Variants in MGAT4C observed in about 807,000 individuals in gnomAD.
The protein encoded by MGAT4C is MGAT4 family member C.
MGAT4C carries 19 observed loss-of-function variants against 40.1 expected under a neutral mutation model. The ratio of observed to expected loss-of-function variants is 0.47; its 90% CI spans 0.33 to 0.70. MGAT4C has a LOEUF of 0.70. MGAT4C is among the 30% of genes least tolerant of loss of function. The pLI is 0.02. For synonymous variants in MGAT4C, 181 were observed against 187.1 expected (o/e 0.97, Z 0.27); for missense variants, 491 against 563.2 (o/e 0.87, Z 1.30).
intron 1 of MGAT4C, among the ~76,000 whole-genome samples, chr12:86,821,026 C>G (rs1239867427): frequency 6.6e-6 from 1 of 150,792 alleles, no homozygotes; most frequent in Non-Finnish European, 1.5e-5. Context: ...ATGCTGGAAG[C>G]CTTTATTTAA....
At chr12:86,157,379 A>G (rs1885079074) in intron 1 of MGAT4C, among the ~76,000 whole-genome samples, 1 of 152,160 alleles carries the variant, frequency 6.6e-6, no homozygotes, top group African/African-American at 2.4e-5. Context: ...CTTTAAGTGA[A>G]ATAATTCAAA....
chr12:86,806,430 C>CTGTG (rs762478208), intron 1 of MGAT4C, among the ~76,000 whole-genome samples: 4 of 147,606 alleles, frequency 2.7e-5, no homozygotes, highest in South Asian at 2.1e-4. Context: ...TTACTTACAT[C>CTGTG]TGTGTGTGTG....
intron 2 of MGAT4C, among the ~76,000 whole-genome samples, chr12:86,627,594 G>A (rs1463583511): frequency 2.0e-5 from 3 of 152,196 alleles, no homozygotes; most frequent in Non-Finnish European, 2.9e-5. Context: ...TGATACCCAG[G>A]CAAACAGCAT....
chr12:86,244,641 G>A (rs1018409332), intron 1 of MGAT4C, among the ~76,000 whole-genome samples: 1 of 152,060 alleles, frequency 6.6e-6, no homozygotes, highest in African/African-American at 2.4e-5. Context: ...GGCTAATGGG[G>A]GACACAGAGA....
chr12:86,717,094 T>A (rs1950655282), intron 2 of MGAT4C, among the ~76,000 whole-genome samples: 1 of 151,968 alleles, frequency 6.6e-6, no homozygotes, highest in Non-Finnish European at 1.5e-5. Context: ...TGTTGTGCTC[T>A]TTTTTTGGCC....
intron 2 of MGAT4C, among the ~76,000 whole-genome samples, chr12:86,456,458 T>C (rs1432011627): frequency 6.6e-6 from 1 of 152,120 alleles, no homozygotes; most frequent in Non-Finnish European, 1.5e-5. Flanking sequence ...CATGATCATA[T>C]TACTGCCTGG....
chr12:85,986,802 A>T (rs79752529), intron 3 of MGAT4C, among the ~76,000 whole-genome samples: 10,783 of 152,290 alleles, frequency 0.071, 538 homozygotes, highest in Middle Eastern at 0.24. Context: ...AGGTAAAAAG[A>T]TCAAAAGGGA....
intron 2 of MGAT4C, among the ~76,000 whole-genome samples, chr12:86,470,492 C>A (rs574097491): frequency 2.0e-4 from 30 of 152,208 alleles, no homozygotes; most frequent in Middle Eastern, 3.4e-3. Context: ...TATCATTCAA[C>A]CCACAGAAGA....
At chr12:86,015,749 T>G (rs1338541339) in intron 2 of MGAT4C, 5 of 152,228 alleles carry the variant, frequency 3.3e-5, no homozygotes, top group African/African-American at 1.2e-4. Context: ...AGTGCTTTCA[T>G]TTAGTGCCTT....
intron 2 of MGAT4C, among the ~76,000 whole-genome samples, chr12:86,714,577 A>G (rs1593143963): frequency 6.6e-6 from 1 of 152,098 alleles, no homozygotes; most frequent in South Asian, 2.1e-4. Context: ...TTGGCTCTTC[A>G]TTTGCTCTTT....
intron 1 of MGAT4C, among the ~76,000 whole-genome samples, chr12:86,828,933 G>A (rs999159188): frequency 1.3e-5 from 2 of 151,444 alleles, no homozygotes; most frequent in African/African-American, 4.8e-5. Flanking sequence ...GGTGATAGTT[G>A]TACACAATAT....
intron 2 of MGAT4C, among the ~76,000 whole-genome samples, chr12:86,565,439 G>T (rs1960050030): frequency 6.6e-6 from 1 of 152,206 alleles, no homozygotes; most frequent in Non-Finnish European, 1.5e-5. Context: ...CTGAAAGTGG[G>T]CAGCTGCAGC....
intron 2 of MGAT4C, among the ~76,000 whole-genome samples, chr12:86,589,439 A>C (rs1322065904): frequency 6.6e-6 from 1 of 152,042 alleles, no homozygotes; most frequent in Non-Finnish European, 1.5e-5. Flanking sequence ...AGAGTCCAGG[A>C]CCAGATGGAT....
rs751309570 is a variant in MGAT4C at position 85,976,157 on chromosome 12, G to C, written c.*3132C>G. ...TGATAGCATTATAAAAATTCCCAGA[G>C]AATACTGGCCCAGTAAGAAATGGAA... On this transcript the variant is annotated 3_prime_UTR_variant, in exon 5 of 5. Coordinates refer to ENST00000611864, the MANE Select transcript of MGAT4C (RefSeq NM_001351288.2). 6.6e-6 allele frequency: 1 copy of C among 150,556 alleles called. No individual in the cohort carries two copies. The highest frequency in any genetic ancestry group is 1.5e-5 in the Non-Finnish European group (1 of 67,112). The allele number at this position is 150,556 out of a possible 1,614,324, so 9.3% of individuals were successfully genotyped here.
intron 4 of MGAT4C, among the ~76,000 whole-genome samples, chr12:86,265,883 ATATT>A (rs1318885996): frequency 6.6e-6 from 1 of 152,082 alleles, no homozygotes; most frequent in African/African-American, 2.4e-5. Context: ...TTAGGTATTT[ATATT>A]TATTTTTGTA....
At chr12:86,236,558 T>C (rs906248732) in intron 1 of MGAT4C, among the ~76,000 whole-genome samples, 7 of 151,984 alleles carry the variant, frequency 4.6e-5, no homozygotes, top group African/African-American at 1.4e-4. Flanking sequence ...TCATTGCTAA[T>C]ACAAAACCAA....
intron 2 of MGAT4C, among the ~76,000 whole-genome samples, chr12:86,484,823 G>A (rs1957991390): frequency 6.6e-6 from 1 of 152,124 alleles, no homozygotes; most frequent in African/African-American, 2.4e-5. Flanking sequence ...GCTCCCCCAA[G>A]GCCCAAGAGC....
At chr12:86,377,323 T>G (rs528349755) in intron 3 of MGAT4C, among the ~76,000 whole-genome samples, 2 of 152,250 alleles carry the variant, frequency 1.3e-5, no homozygotes, top group Admixed American at 1.3e-4. Flanking sequence ...CATCCCAAAG[T>G]GCTGGGATTA....
At chr12:86,301,390 T>C (rs369770199) in intron 4 of MGAT4C, among the ~76,000 whole-genome samples, 3 of 152,320 alleles carry the variant, frequency 2.0e-5, no homozygotes, top group East Asian at 3.9e-4. Flanking sequence ...TGGAAAATGG[T>C]TTCTATTTTA....
Sources: gnomAD v4.1 joint callset for allele counts (sites outside exome capture counted in the v4.1 genomes callset) on GRCh38, gnomAD v4.1.1 for gene constraint, MANE v1.5 for transcripts, NCBI Gene and HGNC (gene_info 2026-07-23, HGNC 2026-07-21) for gene names.